The following DACH2 variants were observed in gnomAD, a reference collection of about 807,000 sequenced individuals.
The protein encoded by DACH2 is dachshund homolog 2.
In DACH2, 17 loss-of-function variants were observed where a neutral mutation model predicts 35.8. The ratio of observed to expected loss-of-function variants is 0.48; its 90% confidence interval spans 0.33 to 0.71. The LOEUF (loss-of-function observed/expected upper bound fraction) is 0.71, where lower values mean the gene tolerates loss of function less well. Among genes scored for constraint, DACH2 ranks in the 30% least tolerant of loss-of-function variants. The pLI, the probability that DACH2 is intolerant of heterozygous loss-of-function variation, is 0.02. For synonymous variants in DACH2, 195 were observed against 177.3 expected (o/e 1.10, Z -0.79); for missense variants, 469 against 472.7 (o/e 0.99, Z 0.07).
chrX:86,297,043 GTATA>G (rs35078642), intron 1 of DACH2, among the ~76,000 whole-genome samples: 40,606 of 89,614 alleles, frequency 0.45, 6,426 homozygotes, highest in South Asian at 0.6. Context: ...ATATAATTGT[GTATA>G]TATATATATA....
At chrX:86,303,192 T>C (rs2034608885) in intron 1 of DACH2, among the ~76,000 whole-genome samples, 1 of 107,161 alleles carries the variant, frequency 9.3e-6, no homozygotes, top group African/African-American at 3.4e-5. Context: ...GAGACTTGAA[T>C]TTTAGCTTTA....
intron 1 of DACH2, among the ~76,000 whole-genome samples, chrX:86,291,331 C>T (rs1160824736): frequency 3.3e-5 from 3 of 91,799 alleles, no homozygotes; most frequent in East Asian, 7.2e-4. Flanking sequence ...TGGGCTGAGA[C>T]AATGGGGTTT....
At chrX:86,196,720 G>C (rs1227985609) in intron 1 of DACH2, among the ~76,000 whole-genome samples, 2 of 57,139 alleles carry the variant, frequency 3.5e-5, no homozygotes, top group African/African-American at 1.5e-4. Context: ...AAAAAAAAAA[G>C]AAAAGGAACA....
At chrX:86,334,741 G>C (rs952986351) in intron 1 of DACH2, among the ~76,000 whole-genome samples, 1 of 111,902 alleles carries the variant, frequency 8.9e-6, no homozygotes, top group Non-Finnish European at 1.9e-5. Flanking sequence ...TTCTTTTGCT[G>C]TGCAGAAGCT....
At chrX:86,321,824 A>G (rs2035021269) in intron 1 of DACH2, among the ~76,000 whole-genome samples, 1 of 112,393 alleles carries the variant, frequency 8.9e-6, no homozygotes, top group African/African-American at 3.2e-5. Flanking sequence ...TATATTTATC[A>G]GGGTCATCAG....
At chrX:86,450,057 G>A (rs375109711) in intron 2 of DACH2, among the ~76,000 whole-genome samples, 3 of 111,150 alleles carry the variant, frequency 2.7e-5, no homozygotes, top group Non-Finnish European at 5.7e-5. Flanking sequence ...TACCTTTTAT[G>A]TCTTTTTTTC....
chrX:86,324,528 A>G (rs1349181372), intron 1 of DACH2, among the ~76,000 whole-genome samples: 1 of 105,511 alleles, frequency 9.5e-6, no homozygotes, highest in East Asian at 3.0e-4. Context: ...ACAGAGAAAT[A>G]TTTTGTGAAA....
intron 4 of DACH2, among the ~76,000 whole-genome samples, chrX:86,672,126 C>T (rs937011572): frequency 8.9e-6 from 1 of 111,811 alleles, no homozygotes; most frequent in Non-Finnish European, 1.9e-5. Flanking sequence ...AATTTCTAAG[C>T]AGTAAAGCAT....
At position 86,368,040 on chromosome X, in the gene DACH2, T is replaced by C. The variant is rs1314065102; in HGVS notation, c.489-8784T>C. Among the ~76,000 whole-genome samples the C allele has an allele frequency of 1.1e-4, 12 of 111,767 alleles. No homozygotes were observed. The Admixed American group carries it at 1.1e-3, about 11-fold the overall frequency. On this transcript the variant is annotated intron_variant, in intron 1 of 11. Coordinates refer to ENST00000373125, the MANE Select transcript of DACH2 (RefSeq NM_053281.3). ...TTAATTTCCTAAAGCATTGTTATCC[T>C]CTTTCAGTCTTTGTTCTTTAAAACC...
At chrX:86,306,004 T>G (rs773846492) in intron 1 of DACH2, among the ~76,000 whole-genome samples, 15 of 112,275 alleles carry the variant, frequency 1.3e-4, no homozygotes, top group South Asian at 3.7e-4. Context: ...GGTGGGAATG[T>G]AAATTAGTTT....
intron 2 of DACH2, among the ~76,000 whole-genome samples, chrX:86,405,199 C>T (rs73631931): frequency 0.087 from 9,748 of 111,474 alleles, 1,068 homozygotes; most frequent in African/African-American, 0.3. Context: ...TTAACATTTG[C>T]CTTCTGGCTA....
intron 1 of DACH2, among the ~76,000 whole-genome samples, chrX:86,153,194 T>C (rs2147856415): frequency 9.0e-6 from 1 of 111,244 alleles, no homozygotes; most frequent in East Asian, 2.8e-4. Flanking sequence ...ATTAAGAAAA[T>C]ATTTTAGTAA....
chrX:86,297,725 C>T (rs1245576736), intron 1 of DACH2, among the ~76,000 whole-genome samples: 1 of 112,016 alleles, frequency 8.9e-6, no homozygotes, highest in African/African-American at 3.2e-5. Context: ...ATCAGAAGTA[C>T]AATCTCTGGA....
chrX:86,292,580 T>G (rs2034328761), intron 1 of DACH2, among the ~76,000 whole-genome samples: 1 of 111,088 alleles, frequency 9.0e-6, no homozygotes, highest in African/African-American at 3.3e-5. Context: ...TAAATTTCCC[T>G]CTACACACTG....
At chrX:86,692,424 GAAAAAGTGTATCCAAAGTTCTCACC>G (rs1403745454) in intron 4 of DACH2, among the ~76,000 whole-genome samples, 1 of 110,508 alleles carries the variant, frequency 9.0e-6, no homozygotes, top group East Asian at 2.9e-4. Flanking sequence ...TGAGCTGTTG[GAAAAAGTGTATCCAAAGTTCTCACC>G]AAAACATACA....
chrX:86,724,476 T>A (rs2041442768), intron 6 of DACH2, among the ~76,000 whole-genome samples: 1 of 111,911 alleles, frequency 8.9e-6, no homozygotes, highest in Non-Finnish European at 1.9e-5. Context: ...AAAAAATGCT[T>A]GTCTGGCAGT....
At chrX:86,295,070 C>G (rs138267014) in intron 1 of DACH2, among the ~76,000 whole-genome samples, 1,287 of 112,703 alleles carry the variant, frequency 0.011, 13 homozygotes, top group African/African-American at 0.039. Context: ...AGCAATCAGC[C>G]AGACTCCGTG....
chrX:86,777,544 C>G (rs755030636), intron 7 of DACH2, among the ~76,000 whole-genome samples: 157 of 111,346 alleles, frequency 1.4e-3, no homozygotes, highest in Admixed American at 2.5e-3. Flanking sequence ...GTCCTATATC[C>G]TAAAACATCA....
chrX:86,594,967 A>T (rs1440946072), intron 3 of DACH2, among the ~76,000 whole-genome samples: 2 of 111,640 alleles, frequency 1.8e-5, no homozygotes, highest in Non-Finnish European at 3.8e-5. Context: ...TGTTAGGCAC[A>T]TTCACCTTCA....
Sources: gnomAD v4.1 joint callset for allele counts (sites outside exome capture counted in the v4.1 genomes callset) on GRCh38, gnomAD v4.1.1 for gene constraint, MANE v1.5 for transcripts, NCBI Gene and HGNC (gene_info 2026-07-23, HGNC 2026-07-21) for gene names.